The following TUT4 variants were observed in gnomAD, a reference collection of about 807,000 sequenced individuals.
The protein encoded by TUT4 is terminal uridylyltransferase 4.
A neutral mutation model predicts 192.2 loss-of-function variants in TUT4; 36 were observed. The observed-to-expected ratio is 0.19, with a 90% CI of 0.14 to 0.25. TUT4 has a LOEUF of 0.25. Among genes scored for constraint, TUT4 ranks in the 10% least tolerant of loss-of-function variants. The pLI is 1.00. For missense variants in TUT4, 1,493 were observed against 1,957.2 expected (o/e 0.76, Z 4.47); for synonymous variants, 618 against 666.0 (o/e 0.93, Z 1.11).
rs913968785 is a variant in TUT4 at position 52,537,416 on chromosome 1, T to C, written c.-93-11043A>G. Among the ~76,000 whole-genome samples the C allele has an allele frequency of 5.9e-5, 9 of 152,236 alleles. 1 individual carries two copies. The highest frequency in any genetic ancestry group is 2.2e-4 in the African/African-American group (9 of 41,544). The stretch of plus-strand genomic sequence containing the variant: ...TAGATATTATATATTGATAAAAGGT[T>C]CAATCCAGCAAGGACATATAACAGT... On this transcript the variant is annotated intron_variant, in intron 1 of 29. Transcript: ENST00000257177.
At chr1:52,492,283 T>C (rs889072132) in intron 7 of TUT4, among the ~76,000 whole-genome samples, 4 of 152,080 alleles carry the variant, frequency 2.6e-5, no homozygotes, top group African/African-American at 4.8e-5. Flanking sequence ...GAGCTGATTG[T>C]GTGGACAGAA....
intron 20 of TUT4, among the ~76,000 whole-genome samples, chr1:52,449,599 C>T (rs1453084930): frequency 6.6e-6 from 1 of 152,148 alleles, no homozygotes; most frequent in Non-Finnish European, 1.5e-5. Flanking sequence ...TGCGACTGGC[C>T]TAACTTGTAA....
intron 9 of TUT4, among the ~76,000 whole-genome samples, chr1:52,487,450 A>G (rs1670085051): frequency 6.7e-6 from 1 of 149,988 alleles, no homozygotes; most frequent in Non-Finnish European, 1.5e-5. Context: ...CTCAAAAAAC[A>G]AAAAAAAACT....
intron 20 of TUT4, among the ~76,000 whole-genome samples, chr1:52,456,144 C>T (rs1660867404): frequency 6.6e-6 from 1 of 152,048 alleles, no homozygotes; most frequent in African/African-American, 2.4e-5. Flanking sequence ...TGGCTCATGC[C>T]TGTAATCCCA....
chr1:52,444,010 G>C (rs1656559916), intron 24 of TUT4, among the ~76,000 whole-genome samples: 1 of 152,224 alleles, frequency 6.6e-6, no homozygotes, highest in Non-Finnish European at 1.5e-5. Flanking sequence ...GGCCAAGGCA[G>C]GTGGATCATG....
rs779934660 is a variant in TUT4, at chr1:52,473,985, T to C, written c.2727+847A>G. ...ACTTTGGGAGGCCAAAGCAGGCGGA[T>C]CACTTGAGCTCACAAGTTCGAGACC... is the stretch of plus-strand genomic sequence containing the variant. On this transcript the variant is annotated intron_variant, in intron 13 of 29. Coordinates refer to ENST00000257177, the MANE Select transcript of TUT4 (RefSeq NM_001009881.3). Among the ~76,000 whole-genome samples the C allele has an allele frequency of 6.8e-4, 104 of 152,272 alleles. No homozygotes were observed. The Middle Eastern group carries it at 0.014, about 20-fold the overall frequency.
intron 4 of TUT4, among the ~76,000 whole-genome samples, chr1:52,503,006 C>G (rs1042485994): frequency 1.3e-5 from 2 of 152,150 alleles, no homozygotes; most frequent in African/African-American, 4.8e-5. Context: ...GGCACCGTGC[C>G]AAGTGCTTTA....
At position 52,481,833 on chromosome 1, in the gene TUT4, G is replaced by C; in HGVS notation, c.1606C>G (p.Pro536Ala). The C allele has an allele frequency of 6.3e-7, 1 of 1,594,352 alleles. No individual in the cohort carries two copies. The highest frequency in any genetic ancestry group is 8.5e-7 in the Non-Finnish European group (1 of 1,174,888). ...CTTCCAAGTAAGCAAGGAAGAAGAG[G>C]GGGTTTTCTCTGTTGTAGAAAAAAC... Reference protein sequence around the residue: ...VMFFLQQRKPPLLPCLLGSWI... With the variant: ...VMFFLQQRKPALLPCLLGSWI... Residue 536 changes from proline (P) to alanine (A), a missense_variant, in exon 10 of 30, where the codon CCT (proline) becomes GCT (alanine). Coordinates refer to ENST00000257177, the MANE Select transcript of TUT4 (RefSeq NM_001009881.3).
Position 52,485,732 on chromosome 1 carries a change from T to C in TUT4, c.1515+3177A>G, listed in dbSNP as rs539750603. Among the ~76,000 whole-genome samples, 3 of 152,226 alleles carry C rather than the reference T, an allele frequency of 2.0e-5. No individual in the cohort carries two copies. In the East Asian group the frequency reaches 5.8e-4, roughly 29 times the overall value. ...TAAATTATGTGAACAGACTTCCTGA[T>C]ATTAAACCATTCTTATAATCTTGAA... On this transcript the variant is annotated intron_variant, in intron 9 of 29. Transcript: ENST00000257177.
intron 3 of TUT4, among the ~76,000 whole-genome samples, chr1:52,512,246 C>T (rs1677388353): frequency 6.6e-6 from 1 of 152,142 alleles, no homozygotes. Context: ...AAAACTGCCC[C>T]ACCTGGTAAA....
intron 13 of TUT4, among the ~76,000 whole-genome samples, chr1:52,474,627 T>C (rs1286089784): frequency 1.3e-5 from 2 of 152,178 alleles, no homozygotes; most frequent in South Asian, 2.1e-4. Flanking sequence ...CAACTGGTAA[T>C]AGAATGCTGA....
At chr1:52,467,799 A>G (rs984714534) in intron 15 of TUT4, among the ~76,000 whole-genome samples, 1 of 152,058 alleles carries the variant, frequency 6.6e-6, no homozygotes, top group African/African-American at 2.4e-5. Context: ...TGCCAAACAT[A>G]ATCTATTCTT....
At chr1:52,469,684 A>G (rs887478848) in intron 14 of TUT4, among the ~76,000 whole-genome samples, 3 of 152,086 alleles carry the variant, frequency 2.0e-5, no homozygotes, top group Middle Eastern at 3.4e-3. Context: ...AGGTCAGGAG[A>G]TCAAGACCAT....
At chr1:52,444,703 G>A (rs566909750) in intron 24 of TUT4, among the ~76,000 whole-genome samples, 1 of 150,212 alleles carries the variant, frequency 6.7e-6, no homozygotes, top group East Asian at 1.9e-4. Flanking sequence ...AGAAAAATGT[G>A]AAAAGGCAAG....
chr1:52,502,145 A>C (rs1387148842), intron 4 of TUT4, among the ~76,000 whole-genome samples: 1 of 96,310 alleles, frequency 1.0e-5, no homozygotes, highest in Non-Finnish European at 2.2e-5. Flanking sequence ...AAAAAATTTC[A>C]AAAAAAAAAA....
At chr1:52,446,779 C>A in intron 20 of TUT4, 112 bp from the exon 21 acceptor site, 2 of 676,010 alleles carry the variant, frequency 3.0e-6, no homozygotes, top group Non-Finnish European at 4.8e-6. Context: ...AATACTTCTT[C>A]CAAAAAGAAC....
At chr1:52,440,441 T>G (rs981190656) in intron 24 of TUT4, among the ~76,000 whole-genome samples, 2 of 151,088 alleles carry the variant, frequency 1.3e-5, no homozygotes, top group South Asian at 2.1e-4. Context: ...GTGTTTTTTT[T>G]TTTTTTTTTT....
intron 1 of TUT4, among the ~76,000 whole-genome samples, chr1:52,532,716 C>T (rs962941166): frequency 1.3e-5 from 2 of 152,188 alleles, no homozygotes; most frequent in Non-Finnish European, 2.9e-5. Flanking sequence ...CCTCCCCACC[C>T]TACCACCATC....
chr1:52,506,741 C>T (rs1188253363), intron 4 of TUT4, among the ~76,000 whole-genome samples: 1 of 152,174 alleles, frequency 6.6e-6, no homozygotes, highest in Non-Finnish European at 1.5e-5. Context: ...CTGTCCTTCT[C>T]TGCTAATCCT....
Sources: gnomAD v4.1 joint callset for allele counts (sites outside exome capture counted in the v4.1 genomes callset) on GRCh38, gnomAD v4.1.1 for gene constraint, MANE v1.5 for transcripts, NCBI Gene and HGNC (gene_info 2026-07-23, HGNC 2026-07-21) for gene names.